Variants in RANBP3 observed in about 807,000 individuals in gnomAD.
RANBP3 encodes RAN binding protein 3.
In RANBP3, 14 loss-of-function variants were observed where a neutral mutation model predicts 77.3. The ratio of observed to expected loss-of-function variants is 0.18; its 90% confidence interval spans 0.12 to 0.28. The LOEUF (loss-of-function observed/expected upper bound fraction) is 0.28, where lower values mean the gene tolerates loss of function less well. Among genes scored for constraint, RANBP3 ranks in the 10% least tolerant of loss-of-function variants. The pLI, the probability that RANBP3 is intolerant of heterozygous loss-of-function variation, is 1.00. For missense variants in RANBP3, 586 were observed against 752.3 expected (o/e 0.78, Z 2.59); for synonymous variants, 315 against 312.4 (o/e 1.01, Z -0.09).
At chr19:5,937,055 CCAAAA>C (rs1239593312) in intron 5 of RANBP3, among the ~76,000 whole-genome samples, 6 of 7,168 alleles carry the variant, frequency 8.4e-4, no homozygotes, top group African/African-American at 5.0e-3. Flanking sequence ...GACTCTGTCT[CCAAAA>C]AAAAAAAAAA....
chr19:5,957,437 A>C (rs900418173), intron 2 of RANBP3, among the ~76,000 whole-genome samples: 17 of 151,996 alleles, frequency 1.1e-4, no homozygotes, highest in African/African-American at 3.9e-4. Context: ...ATGAACAATT[A>C]CTCTAAATGC....
At chr19:5,948,303 T>C (rs2058233154) in intron 3 of RANBP3, among the ~76,000 whole-genome samples, 1 of 151,778 alleles carries the variant, frequency 6.6e-6, no homozygotes, top group Non-Finnish European at 1.5e-5. Context: ...ACAAAAAAAA[T>C]TAGCTGGGCA....
Position 5,917,406 on chromosome 19 carries a change from T to C in RANBP3, c.*204A>G, listed in dbSNP as rs894278867. The C allele has an allele frequency of 3.6e-6, 2 of 553,840 alleles. No homozygotes were observed. The highest frequency in any genetic ancestry group is 3.8e-5 in the African/African-American group (2 of 52,668). The allele number at this position is 553,840 out of a possible 1,614,324, so 34.3% of individuals were successfully genotyped here. On this transcript the variant is annotated 3_prime_UTR_variant, in exon 17 of 17. Transcript: ENST00000340578. ...GTTCTTGTTTGTTCGCTCATCAATA[T>C]GATGAGGTCTCGTGTCCCAAACCAC...
Position 5,923,910 on chromosome 19 carries a change from G to A in RANBP3, c.1001C>T (p.Pro334Leu). 3 of 1,612,398 alleles carry A rather than the reference G, an allele frequency of 1.9e-6. No homozygotes were observed. Among genetic ancestry groups the A allele is most frequent in the East Asian group, 2.2e-5 (1 of 44,876 alleles). The change falls in exon 12 of 17, where the codon CCC becomes CTC. Residue 334 changes from proline to leucine, a missense_variant. By Grantham distance (98) the Pro-to-Leu change is moderately conservative. Around this residue, in one of 5 missense-constraint regions of RANBP3, gnomAD observed 232 missense variants for 271.7 expected, o/e 0.85. Transcript: ENST00000340578. Reference sequence around the variant, plus strand: ...TGAACTGACCTCGTTTAATTTTGGGGGGCTCTGCAGGGACACAAAAGCATA... The same window carrying A: ...TGAACTGACCTCGTTTAATTTTGGGAGGCTCTGCAGGGACACAAAAGCATA... The part of the protein sequence containing the change: ...GQNMSERVLS[P>L]PKLNEVSSDA...
In RANBP3 at chr19:5,951,448, G is replaced by A. The variant is rs754896839; in HGVS notation, c.227C>T (p.Pro76Leu). 21 of 1,599,878 alleles carry A rather than the reference G, an allele frequency of 1.3e-5. No homozygotes were observed. In the South Asian group the frequency reaches 2.4e-4, roughly 18 times the overall value. Reference protein sequence around the residue: ...PAPAGASASTPPPPAPEAQLP... With the variant: ...PAPAGASASTLPPPAPEAQLP... ...CTGGGCTTCAGGAGCGGGAGGCGGA[G>A]GAGTGCTGGCTGAGGCGCCAGCAGG... The change falls in exon 3 of 17, where the codon CCT becomes CTT. Residue 76 changes from proline to leucine, a missense_variant. Transcript: ENST00000340578.
intron 5 of RANBP3, among the ~76,000 whole-genome samples, chr19:5,937,063 A>AG (rs1371959796): frequency 5.0e-4 from 52 of 104,400 alleles, no homozygotes; most frequent in African/African-American, 2.6e-3. Flanking sequence ...CTCCAAAAAA[A>AG]AAAAAAAAAA....
intron 1 of RANBP3, among the ~76,000 whole-genome samples, chr19:5,963,926 C>T (rs1014139310): frequency 2.0e-5 from 3 of 152,214 alleles, no homozygotes; most frequent in African/African-American, 7.2e-5. Flanking sequence ...CCAGCCTGAG[C>T]CCAACAATTG....
chr19:5,961,632 C>T (rs2058403510), intron 1 of RANBP3, among the ~76,000 whole-genome samples: 1 of 152,080 alleles, frequency 6.6e-6, no homozygotes, highest in Non-Finnish European at 1.5e-5. Context: ...ACTCAAGAGG[C>T]TGAGGCAGGA....
intron 5 of RANBP3, chr19:5,935,987 C>G: frequency 3.0e-6 from 1 of 338,758 alleles, no homozygotes; most frequent in African/African-American, 2.1e-5. Flanking sequence ...CCCCTCCCGC[C>G]GGCAGCCTTT....
In RANBP3 at chr19:5,952,929, G is replaced by A. The variant is rs983140349; in HGVS notation, c.79-1333C>T. 6.6e-6 allele frequency among the ~76,000 whole-genome samples: 1 copy of A among 152,180 alleles called. No homozygotes were observed. The highest frequency in any genetic ancestry group is 1.5e-5 in the Non-Finnish European group (1 of 68,044). On this transcript the variant is annotated intron_variant, in intron 2 of 16. Coordinates refer to ENST00000340578, the MANE Select transcript of RANBP3 (RefSeq NM_007322.3). The surrounding 1 kb of genome is among the most constrained non-coding windows in gnomAD (Gnocchi z 4.1). ...CCCATGTCTGTTGCTACTTGATGGT[G>A]AGAGACTTAACACCTCACAAGAGAA...
chr19:5,927,846 C>T lies in RANBP3; in HGVS notation c.813+122G>A, dbSNP rs55879542. On this transcript the variant is annotated intron_variant, in intron 9 of 16. Coordinates refer to ENST00000340578, the MANE Select transcript of RANBP3 (RefSeq NM_007322.3). ...TGTGCCGTGAGCCATGGGGCTGCCT[C>T]GCTAACACCTTCTTTGTCCCACGCT... The T allele has an allele frequency of 6.0e-6, 8 of 1,327,896 alleles. No individual in the cohort carries two copies. In the East Asian group the frequency reaches 7.4e-5, roughly 12 times the overall value. 82.3% of individuals were successfully genotyped at this position (1,327,896 alleles called of 1,614,324 possible). A position where few individuals can be genotyped will look rare whatever the true frequency, so the allele number is the denominator to read the frequency against.
chr19:5,935,120 C>G (rs1454295568), intron 5 of RANBP3, among the ~76,000 whole-genome samples: 3 of 152,154 alleles, frequency 2.0e-5, no homozygotes, highest in African/African-American at 7.2e-5. Context: ...ACAACAAAAC[C>G]CAAAACACCT....
chr19:5,927,909 T>C (rs564950823), intron 9 of RANBP3, 59 bp downstream of exon 9: 52 of 1,554,732 alleles, frequency 3.3e-5, no homozygotes, highest in Middle Eastern at 3.5e-4. Context: ...CCTACTTGCC[T>C]GCTGTTGAAC....
intron 3 of RANBP3, chr19:5,950,949 T>A: frequency 4.1e-6 from 1 of 243,614 alleles, no homozygotes; most frequent in South Asian, 4.2e-5. Context: ...GCAATCTGTG[T>A]TGGAGAGTGC....
intron 1 of RANBP3, among the ~76,000 whole-genome samples, chr19:5,973,790 A>T (rs2058556853): frequency 6.6e-6 from 1 of 152,208 alleles, no homozygotes; most frequent in South Asian, 2.1e-4. Context: ...CTGGTGCTAA[A>T]CAATGTATGT....
At chr19:5,918,431 G>A (rs2057773529) in intron 15 of RANBP3, 65 bp downstream of exon 15, 1 of 1,428,978 alleles carries the variant, frequency 7.0e-7, no homozygotes, top group Non-Finnish European at 9.3e-7. Context: ...TGATCTGTGT[G>A]CCCAGGAACC....
intron 5 of RANBP3, chr19:5,935,850 G>C (rs778954882): frequency 3.3e-5 from 15 of 456,042 alleles, no homozygotes; most frequent in Non-Finnish European, 6.2e-5. Flanking sequence ...CTGCAACACA[G>C]GTCGCAACAC....
chr19:5,955,944 AT>A (rs910578058), intron 2 of RANBP3, among the ~76,000 whole-genome samples: 2,649 of 149,546 alleles, frequency 0.018, 67 homozygotes, highest in African/African-American at 0.061. Flanking sequence ...TCTAAAAAAA[AT>A]TTTTTTTTTT....
intron 2 of RANBP3, among the ~76,000 whole-genome samples, chr19:5,957,086 T>C (rs1269703006): frequency 6.6e-6 from 1 of 152,076 alleles, no homozygotes; most frequent in African/African-American, 2.4e-5. Context: ...GTGCCGTCGC[T>C]GGGCATCAGT....
Sources: allele counts gnomAD v4.1 joint callset (sites outside exome capture counted in the v4.1 genomes callset), GRCh38; gene constraint gnomAD v4.1.1; regional missense constraint gnomAD v4.1.1; non-coding constraint Gnocchi (gnomAD v3.1); transcripts MANE v1.5; gene names NCBI Gene and HGNC (gene_info 2026-07-23, HGNC 2026-07-21).